Variants in HTT observed in about 807,000 individuals in gnomAD.
HTT encodes the protein huntington disease protein.
HTT carries 104 observed loss-of-function variants against 362.3 expected under a neutral mutation model. The observed-to-expected ratio is 0.29, with a 90% CI of 0.24 to 0.34. The LOEUF (loss-of-function observed/expected upper bound fraction) is 0.34, where lower values mean the gene tolerates loss of function less well. Among genes scored for constraint, HTT ranks in the 10% least tolerant of loss-of-function variants. HTT has a pLI of 1.00. For missense variants in HTT, 3,301 were observed against 3,928.6 expected (o/e 0.84, Z 4.27); for synonymous variants, 1,577 against 1,548.7 (o/e 1.02, Z -0.43).
chr4:3,109,580 A>G (rs1714626677), intron 6 of HTT, among the ~76,000 whole-genome samples: 1 of 151,762 alleles, frequency 6.6e-6, no homozygotes. Context: ...TCAATTTTAG[A>G]CATTTTTTTA....
intron 2 of HTT, among the ~76,000 whole-genome samples, chr4:3,087,451 C>T (rs1355055418): frequency 2.0e-5 from 3 of 152,232 alleles, no homozygotes; most frequent in Non-Finnish European, 4.4e-5. Context: ...CTGGAGCCCA[C>T]TCCTCTGTGC....
Position 3,204,936 on chromosome 4 carries a change from CTG to C in HTT, c.5718+792_5718+793del, listed in dbSNP as rs1265743661. ...AGTTTGAGGCTGCAGTGAGCTGTGACTGTGTCACTGCACTCCGGCCTGGGTGA... is the reference window on the plus strand; with the variant it reads ...AGTTTGAGGCTGCAGTGAGCTGTGACTGTCACTGCACTCCGGCCTGGGTGA... On this transcript the variant is annotated intron_variant, in intron 42 of 66. Coordinates refer to ENST00000355072, the MANE Select transcript of HTT (RefSeq NM_001388492.1). Among the ~76,000 whole-genome samples the C allele has an allele frequency of 3.3e-5, 5 of 152,294 alleles. No homozygotes were observed. In the East Asian group the frequency reaches 7.7e-4, roughly 24 times the overall value.
At chr4:3,237,586 G>A (rs1721599877) in intron 64 of HTT, among the ~76,000 whole-genome samples, 1 of 152,058 alleles carries the variant, frequency 6.6e-6, no homozygotes, top group African/African-American at 2.4e-5. Context: ...GACGCCACAG[G>A]GAGGCACCTC....
In HTT at chr4:3,240,071, G is replaced by A; in HGVS notation, c.*12G>A. 5 of 1,572,662 alleles carry A rather than the reference G, an allele frequency of 3.2e-6. No homozygotes were observed. Among genetic ancestry groups the A allele is most frequent in the Non-Finnish European group, 4.3e-6 (5 of 1,156,892 alleles). ...TCACCACCTGCTGAGCGCCATGGTGGGAGAGACTGTGAGGCGGCAGCTGGG... is the reference window on the plus strand; with the variant it reads ...TCACCACCTGCTGAGCGCCATGGTGAGAGAGACTGTGAGGCGGCAGCTGGG... On this transcript the variant is annotated 3_prime_UTR_variant, in exon 67 of 67. Transcript: ENST00000355072.
chr4:3,141,292 T>C (rs1716333214), intron 22 of HTT, among the ~76,000 whole-genome samples: 1 of 152,258 alleles, frequency 6.6e-6, no homozygotes, highest in African/African-American at 2.4e-5. Flanking sequence ...ATTGGCTTTA[T>C]ATGATACTCT....
rs372989695 is a variant in HTT, at chr4:3,130,029, T to G, written c.1849T>G (p.Phe617Val). 26 of 1,611,452 alleles carry G rather than the reference T, an allele frequency of 1.6e-5. No homozygotes were observed. In the African/African-American group the frequency reaches 2.9e-4, roughly 18 times the overall value. ...GILPDEASEA[F>V]RNSSMALQQA... ...TCTTCCTGATGAAGCCTCGGAGGCC[T>G]TCAGGAACTCTTCCATGGGTATGTG... is the stretch of plus-strand genomic sequence containing the variant. The change falls in exon 13 of 67, where the codon TTC becomes GTC. Residue 617 changes from phenylalanine (F) to valine (V), a missense_variant. Coordinates refer to ENST00000355072, the MANE Select transcript of HTT (RefSeq NM_001388492.1).
chr4:3,199,831 G>A lies in HTT; in HGVS notation c.5468G>A (p.Arg1823His), dbSNP rs1381936196. ...YTLDSLNLRARSMITTHPALV... is the reference protein window; with the variant it reads ...YTLDSLNLRAHSMITTHPALV... ...CTGGACAGCTTGAACTTGCGGGCTC[G>A]TTCCATGATCACCACCCACCCGGCC... The change falls in exon 41 of 67, where the codon CGT becomes CAT. Residue 1823 changes from arginine to histidine, a missense_variant. Physicochemically the swap from Arg to His is conservative, Grantham distance 29. Transcript: ENST00000355072. 34 of 1,614,076 alleles carry A rather than the reference G, an allele frequency of 2.1e-5. No individual in the cohort carries two copies. Among genetic ancestry groups the A allele is most frequent in the East Asian group, 6.7e-5 (3 of 44,890 alleles).
At chr4:3,094,598 C>T (rs1713725363) in intron 2 of HTT, among the ~76,000 whole-genome samples, 1 of 146,004 alleles carries the variant, frequency 6.8e-6, no homozygotes, top group Non-Finnish European at 1.5e-5. Flanking sequence ...CCCACCACCT[C>T]CCGGACGGGG....
chr4:3,106,280 T>C (rs966108105), intron 5 of HTT, among the ~76,000 whole-genome samples: 7 of 152,074 alleles, frequency 4.6e-5, no homozygotes, highest in Non-Finnish European at 8.8e-5. Context: ...CACTTGAGCC[T>C]GGGAGGTGGA....
At chr4:3,156,664 C>T (rs1432035427) in intron 27 of HTT, among the ~76,000 whole-genome samples, 1 of 152,068 alleles carries the variant, frequency 6.6e-6, no homozygotes, top group Non-Finnish European at 1.5e-5. Flanking sequence ...GTGCCTTTGC[C>T]GTCTTTAAAA....
intron 6 of HTT, chr4:3,112,996 C>A: frequency 1.0e-6 from 1 of 959,926 alleles, no homozygotes; most frequent in Non-Finnish European, 1.2e-6. Context: ...TTAAAGTACC[C>A]TTGGCTCTGA....
chr4:3,103,917 A>C (rs778316156), intron 4 of HTT, 34 bp downstream of exon 4: 22 of 1,325,710 alleles, frequency 1.7e-5, no homozygotes, highest in Non-Finnish European at 2.1e-5. Flanking sequence ...AAAATGTTTT[A>C]AATTTTAAAT....
chr4:3,238,730 G>GGGGCCCCCCCC, intron 65 of HTT, 88 bp from the exon 66 acceptor site: 1 of 1,097,032 alleles, frequency 9.1e-7, no homozygotes, highest in Non-Finnish European at 1.3e-6. Flanking sequence ...AATGCCTCTG[G>GGGGCCCCCCCC]CCCCCACCCC....
At chr4:3,168,841 C>T (rs1227029571) in intron 29 of HTT, among the ~76,000 whole-genome samples, 1 of 152,140 alleles carries the variant, frequency 6.6e-6, no homozygotes, top group Non-Finnish European at 1.5e-5. Context: ...CATGCCATTG[C>T]ACTCCAGCAT....
At chr4:3,121,754 T>A (rs1024619026) in intron 9 of HTT, 2 of 207,714 alleles carry the variant, frequency 9.6e-6, no homozygotes, top group East Asian at 1.3e-4. Flanking sequence ...TAGTCCCAGC[T>A]GCTTTGGAGG....
chr4:3,199,572 C>T (rs1365286842), intron 40 of HTT, among the ~76,000 whole-genome samples, 160 bp from the exon 41 acceptor site: 2 of 151,662 alleles, frequency 1.3e-5, no homozygotes, highest in Non-Finnish European at 2.9e-5. Context: ...ATATCTGTTT[C>T]TGCTTAGAAA....
intron 1 of HTT, among the ~76,000 whole-genome samples, chr4:3,081,400 C>T (rs955127337): frequency 3.9e-5 from 6 of 152,162 alleles, no homozygotes; most frequent in Non-Finnish European, 7.4e-5. Context: ...ATATAATTTT[C>T]ACCTGTCATG....
intron 29 of HTT, among the ~76,000 whole-genome samples, chr4:3,162,938 G>T (rs527881603): frequency 6.6e-6 from 1 of 151,944 alleles, no homozygotes; most frequent in Non-Finnish European, 1.5e-5. Context: ...GCCTGATTGC[G>T]CTGGCCAGAA....
At position 3,199,921 on chromosome 4, in the gene HTT, A is replaced by C; in HGVS notation, c.5558A>C (p.Glu1853Ala). The change falls in exon 41 of 67, where the codon GAA (glutamate) becomes GCA (alanine). Residue 1853 changes from glutamate (E) to alanine (A), a missense_variant. Around this residue, in one of 4 missense-constraint regions of HTT, gnomAD observed 2,316 missense variants for 2,658.5 expected, o/e 0.87. Coordinates refer to ENST00000355072, the MANE Select transcript of HTT (RefSeq NM_001388492.1). ...CACACCGACTACCGCTGGTGGGCAG[A>C]AGTGCAGCAGACCCCGAAGTAGGTT... ...VNHTDYRWWAEVQQTPKRHSL... is the reference protein window; with the variant it reads ...VNHTDYRWWAAVQQTPKRHSL... The C allele has an allele frequency of 6.2e-7, 1 of 1,613,870 alleles. No individual in the cohort carries two copies. The highest frequency in any genetic ancestry group is 1.3e-5 in the African/African-American group (1 of 75,050).
Sources: allele counts gnomAD v4.1 joint callset (sites outside exome capture counted in the v4.1 genomes callset), GRCh38; gene constraint gnomAD v4.1.1; regional missense constraint gnomAD v4.1.1; transcripts MANE v1.5; gene names NCBI Gene and HGNC (gene_info 2026-07-23, HGNC 2026-07-21).